NDFIP2: variants seen among roughly 807,000 people sequenced by gnomAD.
NDFIP2 encodes the protein NEDD4 family-interacting protein 2.
Under a neutral mutation model 36.0 loss-of-function variants are expected in NDFIP2, and 19 were observed. That is an observed-to-expected ratio of 0.53 (90% CI 0.37 to 0.77). The LOEUF (loss-of-function observed/expected upper bound fraction) is 0.77, where lower values mean the gene tolerates loss of function less well. NDFIP2 is among the 30% of genes least tolerant of loss of function. NDFIP2 has a pLI of 0.00. For missense variants in NDFIP2, 446 were observed against 435.8 expected (o/e 1.02, Z -0.21); for synonymous variants, 181 against 167.7 (o/e 1.08, Z -0.61).
intron 1 of NDFIP2, among the ~76,000 whole-genome samples, chr13:79,498,144 GC>G (rs1255215702): frequency 1.3e-5 from 2 of 151,798 alleles, no homozygotes; most frequent in African/African-American, 4.8e-5. Flanking sequence ...TTTATTGGAG[GC>G]ATCTTAAAAT....
chr13:79,540,582 A>G lies in NDFIP2; in HGVS notation c.715+807A>G, dbSNP rs979203241. Among the ~76,000 whole-genome samples, 5 of 152,208 alleles carry G rather than the reference A, an allele frequency of 3.3e-5. No individual in the cohort carries two copies. In the East Asian group the frequency reaches 9.6e-4, roughly 29 times the overall value. ...TTGGATAGAATGCTGATTTAATTCA[A>G]TTTAGTTAAAAGCTTTATTATGATC... On this transcript the variant is annotated intron_variant, in intron 4 of 7. Transcript: ENST00000218652.
intron 1 of NDFIP2, among the ~76,000 whole-genome samples, chr13:79,509,573 G>A (rs1450382588): frequency 6.6e-6 from 1 of 152,034 alleles, no homozygotes; most frequent in Non-Finnish European, 1.5e-5. Flanking sequence ...TCTCATCATG[G>A]CCTGAATTAG....
intron 1 of NDFIP2, among the ~76,000 whole-genome samples, chr13:79,498,697 T>G (rs1238741851): frequency 3.3e-5 from 5 of 151,976 alleles, no homozygotes; most frequent in African/African-American, 1.2e-4. Flanking sequence ...ACTCCTGCCC[T>G]GATTACATTA....
intron 1 of NDFIP2, among the ~76,000 whole-genome samples, chr13:79,501,086 A>T (rs1334109227): frequency 1.3e-5 from 2 of 152,038 alleles, no homozygotes; most frequent in African/African-American, 2.4e-5. Flanking sequence ...ATACTATGTG[A>T]TTTAAACTGT....
In NDFIP2 at chr13:79,543,607, C is replaced by T. The variant is rs144392564; in HGVS notation, c.765C>T (p.Thr255=). The part of the protein sequence containing the change: ...WLGFCLSFCI[T]NTIAGRYGAI... ...GATTTTGTTTATCCTTCTGTATCAC[C>T]AATACCATAGCTGGAAGGTATGGTG... Residue 255 remains threonine (T), a synonymous_variant, in exon 5 of 8, where the codon ACC becomes ACT. Coordinates refer to ENST00000218652, the MANE Select transcript of NDFIP2 (RefSeq NM_019080.3). 11 of 1,613,806 alleles carry T rather than the reference C, an allele frequency of 6.8e-6. No individual in the cohort carries two copies. Among genetic ancestry groups the T allele is most frequent in the African/African-American group, 2.7e-5 (2 of 74,890 alleles).
At chr13:79,507,986 A>T (rs148750806) in intron 1 of NDFIP2, among the ~76,000 whole-genome samples, 471 of 152,184 alleles carry the variant, frequency 3.1e-3, no homozygotes, top group Middle Eastern at 0.014. Context: ...ATTATAATGT[A>T]TATTTTAGTT....
intron 1 of NDFIP2, among the ~76,000 whole-genome samples, chr13:79,498,064 C>CATT (rs1873515920): frequency 6.6e-6 from 1 of 151,582 alleles, no homozygotes; most frequent in South Asian, 2.1e-4. Context: ...TTCAAATCAG[C>CATT]ATTACAAATA....
chr13:79,539,784 T>G lies in NDFIP2; in HGVS notation c.715+9T>G. The stretch of plus-strand genomic sequence containing the variant: ...CATGCTGGCATTTTTCAGTAAGTAA[T>G]CTTCCTAAACTATTTTGGGTTGTTT... On this transcript the variant is annotated intron_variant, in intron 4 of 7. Transcript: ENST00000218652. 6.2e-7 allele frequency: 1 copy of G among 1,611,646 alleles called. No individual in the cohort carries two copies. Among genetic ancestry groups the G allele is most frequent in the Non-Finnish European group, 8.5e-7 (1 of 1,177,844 alleles).
intron 3 of NDFIP2, 116 bp downstream of exon 3, chr13:79,533,572 C>A: frequency 1.1e-6 from 1 of 907,010 alleles, no homozygotes; most frequent in South Asian, 2.2e-5. Context: ...TTTTTTTGAG[C>A]ATTATGGGTT....
At chr13:79,491,730 C>G (rs980577385) in intron 1 of NDFIP2, among the ~76,000 whole-genome samples, 3 of 152,150 alleles carry the variant, frequency 2.0e-5, no homozygotes, top group Non-Finnish European at 2.9e-5. Context: ...ATGGAATCTT[C>G]TACTGACGTT....
rs554896619 is a variant in NDFIP2 at position 79,552,849 on chromosome 13, A to G, written c.*336A>G. The G allele has an allele frequency of 5.3e-5, 8 of 152,040 alleles. No individual in the cohort carries two copies. The highest frequency in any genetic ancestry group is 1.9e-4 in the African/African-American group (8 of 41,530). 9.4% of individuals were successfully genotyped at this position (152,040 alleles called of 1,614,324 possible). On this transcript the variant is annotated 3_prime_UTR_variant, in exon 8 of 8. Coordinates refer to ENST00000218652, the MANE Select transcript of NDFIP2 (RefSeq NM_019080.3). Reference sequence around the variant, plus strand: ...AATTGAAAGAGTTGAGTGGATAAACAGTCTTCCAGCTTGTAAATGCCATTG... The same window carrying G: ...AATTGAAAGAGTTGAGTGGATAAACGGTCTTCCAGCTTGTAAATGCCATTG...
chr13:79,537,191 T>G (rs962722718), intron 3 of NDFIP2, among the ~76,000 whole-genome samples: 1 of 152,150 alleles, frequency 6.6e-6, no homozygotes, highest in African/African-American at 2.4e-5. Context: ...CAGTGCAACC[T>G]CCGCCTCCCC....
chr13:79,544,218 A>G (rs768311357), intron 5 of NDFIP2, among the ~76,000 whole-genome samples: 1 of 152,146 alleles, frequency 6.6e-6, no homozygotes, highest in East Asian at 1.9e-4. Flanking sequence ...TGAGAGCTCA[A>G]AAGTGAAGGC....
In NDFIP2 at chr13:79,543,602, A is replaced by G; in HGVS notation, c.760A>G (p.Ile254Val). 4 of 1,613,928 alleles carry G rather than the reference A, an allele frequency of 2.5e-6. No homozygotes were observed. Among genetic ancestry groups the G allele is most frequent in the Non-Finnish European group, 3.4e-6 (4 of 1,179,912 alleles). ...NWLGFCLSFCITNTIAGRYGA... is the reference protein window; with the variant it reads ...NWLGFCLSFCVTNTIAGRYGA... ...GCTTGGATTTTGTTTATCCTTCTGTATCACCAATACCATAGCTGGAAGGTA... is the reference window on the plus strand; with the variant it reads ...GCTTGGATTTTGTTTATCCTTCTGTGTCACCAATACCATAGCTGGAAGGTA... Residue 254 changes from isoleucine to valine, a missense_variant, in exon 5 of 8, where the codon ATC (isoleucine) becomes GTC (valine). This residue lies in a region of NDFIP2 where 77 missense variants were observed against 131.0 expected (regional missense o/e 0.59). Coordinates refer to ENST00000218652, the MANE Select transcript of NDFIP2 (RefSeq NM_019080.3).
At chr13:79,484,223 C>T (rs978299864) in intron 1 of NDFIP2, among the ~76,000 whole-genome samples, 1 of 152,018 alleles carries the variant, frequency 6.6e-6, no homozygotes, top group African/African-American at 2.4e-5. Context: ...GCATGTTGGC[C>T]AGGCTGGTCT....
At chr13:79,502,325 A>T (rs1417101354) in intron 1 of NDFIP2, among the ~76,000 whole-genome samples, 1 of 152,186 alleles carries the variant, frequency 6.6e-6, no homozygotes, top group Non-Finnish European at 1.5e-5. Context: ...TTTAAAAAGG[A>T]CAAAAGAATT....
intron 2 of NDFIP2, among the ~76,000 whole-genome samples, chr13:79,529,110 GT>G (rs1874912915): frequency 6.6e-6 from 1 of 152,164 alleles, no homozygotes; most frequent in South Asian, 2.1e-4. Flanking sequence ...TGCTGTGTCA[GT>G]TTTATGGATG....
chr13:79,486,154 C>A (rs1054058712), intron 1 of NDFIP2, among the ~76,000 whole-genome samples: 7 of 152,022 alleles, frequency 4.6e-5, no homozygotes, highest in Non-Finnish European at 1.0e-4. Context: ...ATTCCAAAAT[C>A]CAAAAAAAAT....
intron 3 of NDFIP2, among the ~76,000 whole-genome samples, chr13:79,536,340 AT>A (rs1875237176): frequency 1.3e-5 from 2 of 152,186 alleles, no homozygotes; most frequent in Non-Finnish European, 2.9e-5. Context: ...GAGATCTTGC[AT>A]TTACATTCCC....
Sources: gnomAD v4.1 joint callset for allele counts (sites outside exome capture counted in the v4.1 genomes callset) on GRCh38, gnomAD v4.1.1 for gene constraint, gnomAD v4.1.1 regional missense constraint, MANE v1.5 for transcripts, NCBI Gene and HGNC (gene_info 2026-07-23, HGNC 2026-07-21) for gene names.